The following FRAS1 variants were observed in gnomAD, a reference collection of about 807,000 sequenced individuals.
FRAS1 encodes the protein Fraser extracellular matrix complex subunit 1.
A neutral mutation model predicts 435.2 loss-of-function variants in FRAS1; 290 were observed. That is an observed-to-expected ratio of 0.67 (90% CI 0.61 to 0.73). The LOEUF is 0.73. FRAS1 is among the 30% of genes least tolerant of loss of function. The pLI, the probability that FRAS1 is intolerant of heterozygous loss-of-function variation, is 0.00. For synonymous variants in FRAS1, 1,800 were observed against 1,851.0 expected, an observed-to-expected ratio of 0.97 and a Z score of 0.71; for missense variants, 4,860 against 5,001.5, an observed-to-expected ratio of 0.97 and a Z score of 0.85.
chr4:78,470,511 G>T (rs1719668476), intron 51 of FRAS1, among the ~76,000 whole-genome samples: 1 of 152,004 alleles, frequency 6.6e-6, no homozygotes. Context: ...TATACAGTTG[G>T]CCCTCAGTAT....
rs866445965 is a variant in FRAS1 at position 78,113,595 on chromosome 4, T to C, written c.108+47579T>C. ...GATGGCCAGTGATGATGAGCATTTTTTCATGTGTCTTTTGGCTCCATAAAT... is the reference window on the plus strand; with the variant it reads ...GATGGCCAGTGATGATGAGCATTTTCTCATGTGTCTTTTGGCTCCATAAAT... On this transcript the variant is annotated intron_variant, in intron 2 of 73. Transcript: ENST00000512123. Among the ~76,000 whole-genome samples the C allele has an allele frequency of 5.2e-5, 8 of 152,408 alleles. No individual in the cohort carries two copies. In the Middle Eastern group the frequency reaches 0.01, roughly 194 times the overall value.
In FRAS1 at chr4:78,307,536, G is replaced by A. The variant is rs998476667; in HGVS notation, c.1535-530G>A. 6.6e-5 allele frequency among the ~76,000 whole-genome samples: 10 copies of A among 152,238 alleles called. No individual in the cohort carries two copies. The South Asian group carries it at 8.3e-4, about 13-fold the overall frequency. On this transcript the variant is annotated intron_variant, in intron 14 of 73. Coordinates refer to ENST00000512123, the MANE Select transcript of FRAS1 (RefSeq NM_025074.7). Reference sequence around the variant, plus strand: ...CGTGGGCGTAGGACTCTCCGAGCCAGGTGCCGGATTTAATCTCCTGGTGCG... The same window carrying A: ...CGTGGGCGTAGGACTCTCCGAGCCAAGTGCCGGATTTAATCTCCTGGTGCG...
At chr4:78,529,858 G>T (rs1721658468) in intron 70 of FRAS1, among the ~76,000 whole-genome samples, 1 of 152,124 alleles carries the variant, frequency 6.6e-6, no homozygotes, top group Admixed American at 6.6e-5. Context: ...CTTATGAATT[G>T]TTTATTTCTG....
At chr4:78,420,889 T>TATATAA (rs1553958064) in intron 33 of FRAS1, among the ~76,000 whole-genome samples, 1 of 39,998 alleles carries the variant, frequency 2.5e-5, no homozygotes, top group East Asian at 3.4e-4. Context: ...CATATATATA[T>TATATAA]ATATATATAT....
chr4:78,392,255 A>G (rs55945606), intron 29 of FRAS1, among the ~76,000 whole-genome samples: 36,635 of 152,030 alleles, frequency 0.24, 4,812 homozygotes, highest in Admixed American at 0.3. Flanking sequence ...TTAAATTTTA[A>G]TAGCTATGAT....
At chr4:78,059,931 A>C (rs1351853469) in intron 1 of FRAS1, among the ~76,000 whole-genome samples, 1 of 151,858 alleles carries the variant, frequency 6.6e-6, no homozygotes, top group African/African-American at 2.4e-5. Context: ...ATATTACTCC[A>C]AAGAGTCTTT....
At chr4:78,190,687 A>G (rs912451855) in intron 2 of FRAS1, among the ~76,000 whole-genome samples, 5 of 148,870 alleles carry the variant, frequency 3.4e-5, no homozygotes, top group African/African-American at 1.0e-4. Context: ...AGTACCTGAC[A>G]CAGAGAATTT....
intron 2 of FRAS1, among the ~76,000 whole-genome samples, chr4:78,086,127 A>C (rs1741148184): frequency 6.6e-6 from 1 of 151,938 alleles, no homozygotes; most frequent in South Asian, 2.1e-4. Flanking sequence ...ACACTCACTC[A>C]AAACTGCTCA....
intron 2 of FRAS1, among the ~76,000 whole-genome samples, chr4:78,215,528 G>A (rs963296914): frequency 1.3e-5 from 2 of 152,160 alleles, no homozygotes; most frequent in Non-Finnish European, 2.9e-5. Flanking sequence ...GCAGTGTTAA[G>A]TGTATCCACA....
chr4:78,152,682 T>A (rs1720718967), intron 2 of FRAS1, among the ~76,000 whole-genome samples: 1 of 131,448 alleles, frequency 7.6e-6, no homozygotes, highest in African/African-American at 2.8e-5. Flanking sequence ...CCAGAGCTAA[T>A]AACTTGTAGA....
At chr4:78,170,630 G>A (rs542277459) in intron 2 of FRAS1, among the ~76,000 whole-genome samples, 19 of 152,170 alleles carry the variant, frequency 1.2e-4, no homozygotes, top group African/African-American at 4.6e-4. Flanking sequence ...ATGCATCCTG[G>A]GGATTTCACC....
chr4:78,151,308 A>T (rs1720651662), intron 2 of FRAS1, among the ~76,000 whole-genome samples: 1 of 152,130 alleles, frequency 6.6e-6, no homozygotes, highest in African/African-American at 2.4e-5. Context: ...CCCCAAGTTG[A>T]GATAGGATAC....
In FRAS1 at chr4:78,419,062, A is replaced by G; in HGVS notation, c.4539A>G (p.Gln1513=). Residue 1513 remains glutamine, a splice_region_variant and synonymous_variant, in exon 33 of 74, where the codon CAA becomes CAG. Coordinates refer to ENST00000512123, the MANE Select transcript of FRAS1 (RefSeq NM_025074.7). ...YNITLPLHPN[Q]GIIEHRDHPH... ...TCACTCTACCTCTGCATCCAAATCAAGGTAAGATGTGCAGTAAATGATCTT... is the reference window on the plus strand; with the variant it reads ...TCACTCTACCTCTGCATCCAAATCAGGGTAAGATGTGCAGTAAATGATCTT... The G allele has an allele frequency of 1.3e-6, 2 of 1,512,744 alleles. No individual in the cohort carries two copies. Among genetic ancestry groups the G allele is most frequent in the East Asian group, 2.3e-5 (1 of 42,926 alleles). 93.7% of individuals were successfully genotyped at this position (1,512,744 alleles called of 1,614,324 possible).
intron 2 of FRAS1, among the ~76,000 whole-genome samples, chr4:78,205,053 G>A (rs1723199522): frequency 6.6e-6 from 1 of 152,140 alleles, no homozygotes; most frequent in Non-Finnish European, 1.5e-5. Context: ...AGCTTGAGGT[G>A]GGAATAGGAG....
chr4:78,463,207 G>A (rs1578339211), intron 47 of FRAS1, among the ~76,000 whole-genome samples: 1 of 152,152 alleles, frequency 6.6e-6, no homozygotes, highest in East Asian at 1.9e-4. Context: ...TAAATGTTGT[G>A]AGGCATTTAA....
At position 78,534,492 on chromosome 4, in the gene FRAS1, C is replaced by A. The variant is rs752512230; in HGVS notation, c.10969C>A (p.Pro3657Thr). ...ATTCCAGCAGACCAACCGCCCTGTG[C>A]CAGTTGTGTATTCACTTAACACTGA... Reference protein sequence around the residue: ...IAFQQTNRPVPVVYSLNTEFQ... With the variant: ...IAFQQTNRPVTVVYSLNTEFQ... The change falls in exon 71 of 74, where the codon CCA (proline) becomes ACA (threonine). Residue 3657 changes from proline (P) to threonine (T), a missense_variant. By Grantham distance (38) the Pro-to-Thr change is conservative. Coordinates refer to ENST00000512123, the MANE Select transcript of FRAS1 (RefSeq NM_025074.7). 6.2e-7 allele frequency: 1 copy of A among 1,613,714 alleles called. No individual in the cohort carries two copies. Among genetic ancestry groups the A allele is most frequent in the Non-Finnish European group, 8.5e-7 (1 of 1,179,696 alleles).
At position 78,299,672 on chromosome 4, in the gene FRAS1, T is replaced by C. The variant is rs985669968; in HGVS notation, c.1535-8394T>C. 6.6e-5 allele frequency among the ~76,000 whole-genome samples: 10 copies of C among 152,152 alleles called. 1 individual carries two copies. The East Asian group carries it at 1.2e-3, about 18-fold the overall frequency. The stretch of plus-strand genomic sequence containing the variant: ...TTTTCTCCCCACTGCCAGAATGAAC[T>C]CTCTAAAAAGCAGAAGTGATCATTC... On this transcript the variant is annotated intron_variant, in intron 14 of 73. Transcript: ENST00000512123.
intron 2 of FRAS1, among the ~76,000 whole-genome samples, chr4:78,154,481 C>A (rs1720798173): frequency 6.6e-6 from 1 of 151,864 alleles, no homozygotes; most frequent in East Asian, 1.9e-4. Flanking sequence ...TGTCATATAC[C>A]CACCACCCAC....
chr4:78,444,984 T>C (rs979426096), intron 41 of FRAS1, among the ~76,000 whole-genome samples: 1 of 152,052 alleles, frequency 6.6e-6, no homozygotes, highest in Non-Finnish European at 1.5e-5. Flanking sequence ...AACTGGGAGG[T>C]CCAATGAAAA....
Sources: gnomAD v4.1 joint callset for allele counts (sites outside exome capture counted in the v4.1 genomes callset) on GRCh38, gnomAD v4.1.1 for gene constraint, MANE v1.5 for transcripts, NCBI Gene and HGNC (gene_info 2026-07-23, HGNC 2026-07-21) for gene names.